ACSM4: variants seen among roughly 807,000 people sequenced by gnomAD.
ACSM4 encodes acyl-coenzyme A synthetase ACSM4, mitochondrial.
In ACSM4, 66 loss-of-function variants were observed where a neutral mutation model predicts 73.0. The ratio of observed to expected loss-of-function variants is 0.90; its 90% CI spans 0.74 to 1.11. The LOEUF (loss-of-function observed/expected upper bound fraction) is 1.11. Ranked by LOEUF, ACSM4 falls within the 50% of genes least tolerant of loss-of-function variation. The pLI is 0.00. For missense variants in ACSM4, 645 were observed against 714.4 expected (o/e 0.90, Z 1.11); for synonymous variants, 222 against 254.0 (o/e 0.87, Z 1.20).
chr12:7,321,076 G>A (rs1019411532), intron 6 of ACSM4, among the ~76,000 whole-genome samples: 1 of 152,002 alleles, frequency 6.6e-6, no homozygotes, highest in Non-Finnish European at 1.5e-5. Context: ...TCTTCTGGGG[G>A]GCAAAACTGT....
At chr12:7,317,943 CAA>C in intron 4 of ACSM4, 81 bp from the exon 5 acceptor site, 1 of 1,465,852 alleles carries the variant, frequency 6.8e-7, no homozygotes, top group South Asian at 1.3e-5. Context: ...GATATAGGGG[CAA>C]AGTCACCCCT....
chr12:7,311,285 A>T (rs1052144125), intron 3 of ACSM4, among the ~76,000 whole-genome samples: 4 of 152,144 alleles, frequency 2.6e-5, no homozygotes, highest in Non-Finnish European at 5.9e-5. Context: ...CCTGCTCTCT[A>T]CTGTGGCCTA....
At chr12:7,314,572 GAATA>G (rs1946408082) in intron 3 of ACSM4, among the ~76,000 whole-genome samples, 2 of 152,098 alleles carry the variant, frequency 1.3e-5, no homozygotes, top group Non-Finnish European at 2.9e-5. Flanking sequence ...GTGGATGGAT[GAATA>G]GATAGATGAA....
At chr12:7,311,568 C>T (rs910162411) in intron 3 of ACSM4, among the ~76,000 whole-genome samples, 1 of 152,244 alleles carries the variant, frequency 6.6e-6, no homozygotes, top group African/African-American at 2.4e-5. Flanking sequence ...CACTCGTCAC[C>T]ACCTGAATTA....
chr12:7,306,204 G>T (rs985608731), intron 1 of ACSM4, among the ~76,000 whole-genome samples: 9 of 152,212 alleles, frequency 5.9e-5, no homozygotes, highest in African/African-American at 9.6e-5. Context: ...GCGTAAGCAC[G>T]AATAACCCAT....
In ACSM4 at chr12:7,310,663, A is replaced by G. The variant is rs1370131285; in HGVS notation, c.537A>G (p.Val179=). 3.1e-6 allele frequency: 5 copies of G among 1,613,550 alleles called. No individual in the cohort carries two copies. The highest frequency in any genetic ancestry group is 4.2e-6 in the Non-Finnish European group (5 of 1,179,756). ...EEVAPAVESI[V]LECPDLKTKL... ...TGGCCCCAGCGGTGGAGTCCATTGT[A>G]TTGGAGTGTCCTGACCTTAAGACAA... Residue 179 remains valine, a synonymous_variant, in exon 3 of 13, where the codon GTA becomes GTG. Coordinates refer to ENST00000399422, the MANE Select transcript of ACSM4 (RefSeq NM_001080454.2).
intron 6 of ACSM4, 132 bp from the exon 7 acceptor site, chr12:7,322,286 T>C: frequency 1.6e-6 from 2 of 1,264,008 alleles, no homozygotes; most frequent in South Asian, 1.3e-5. Context: ...GTTCAACAAG[T>C]ATTTGTTGAA....
At position 7,304,226 on chromosome 12, in the gene ACSM4, C is replaced by A; in HGVS notation, c.-106C>A. The A allele has an allele frequency of 8.3e-7, 1 of 1,206,044 alleles. No homozygotes were observed. Among genetic ancestry groups the A allele is most frequent in the Non-Finnish European group, 1.2e-6 (1 of 841,894 alleles). 74.7% of individuals were successfully genotyped at this position (1,206,044 alleles called of 1,614,324 possible). On this transcript the variant is annotated 5_prime_UTR_variant, in exon 1 of 13. Transcript: ENST00000399422. ...GGACACACAGCCACAAATCCACCTC[C>A]CAGTCTCACCACAGAGCATCAAGAA... is the stretch of plus-strand genomic sequence containing the variant.
At chr12:7,321,748 T>G (rs1946465472) in intron 6 of ACSM4, among the ~76,000 whole-genome samples, 1 of 152,152 alleles carries the variant, frequency 6.6e-6, no homozygotes, top group Admixed American at 6.5e-5. Context: ...AGCTCCAAAG[T>G]CAAACAGGCA....
chr12:7,321,041 A>C (rs1946460037), intron 6 of ACSM4, among the ~76,000 whole-genome samples: 1 of 152,166 alleles, frequency 6.6e-6, no homozygotes, highest in Non-Finnish European at 1.5e-5. Context: ...TGAAAATCAA[A>C]AATGTCCCTA....
intron 1 of ACSM4, among the ~76,000 whole-genome samples, chr12:7,305,593 G>C (rs983998571): frequency 2.6e-5 from 4 of 152,152 alleles, no homozygotes; most frequent in Non-Finnish European, 5.9e-5. Flanking sequence ...GGCCACACAG[G>C]TCCAACAGAA....
intron 6 of ACSM4, among the ~76,000 whole-genome samples, chr12:7,321,726 G>A (rs1004243356): frequency 6.6e-6 from 1 of 152,200 alleles, no homozygotes; most frequent in Non-Finnish European, 1.5e-5. Context: ...TAAGGCTAGT[G>A]GTTAAAAGCT....
chr12:7,316,416 CTCTT>C (rs1313175071), intron 3 of ACSM4, among the ~76,000 whole-genome samples: 2 of 152,208 alleles, frequency 1.3e-5, no homozygotes, highest in East Asian at 1.9e-4. Flanking sequence ...TTCCTCATGA[CTCTT>C]TTTAGAACAA....
chr12:7,313,007 A>C (rs1946400063), intron 3 of ACSM4, among the ~76,000 whole-genome samples: 1 of 152,194 alleles, frequency 6.6e-6, no homozygotes, highest in Non-Finnish European at 1.5e-5. Flanking sequence ...ATTTTAGAGG[A>C]TAAGTAAAAC....
intron 2 of ACSM4, among the ~76,000 whole-genome samples, chr12:7,307,070 T>C (rs1451700805): frequency 6.6e-6 from 1 of 152,086 alleles, no homozygotes; most frequent in African/African-American, 2.4e-5. Context: ...CTGGCCAACA[T>C]ACTGAAACCC....
At chr12:7,322,379 G>T (rs760229786) in intron 6 of ACSM4, 39 bp from the exon 7 acceptor site, 1 of 1,612,096 alleles carries the variant, frequency 6.2e-7, no homozygotes, top group East Asian at 2.2e-5. Context: ...AAGCACTCAG[G>T]TTCCTCTTGA....
Position 7,306,677 on chromosome 12 carries a change from C to T in ACSM4, c.346C>T (p.Arg116Cys), listed in dbSNP as rs377381847. Residue 116 changes from arginine (R) to cysteine (C), a missense_variant, in exon 2 of 13, where the codon CGT (arginine) becomes TGT (cysteine). Coordinates refer to ENST00000399422, the MANE Select transcript of ACSM4 (RefSeq NM_001080454.2). ...TKPCGLQRGD[R>C]LAVILPRIPE... Reference sequence around the variant, plus strand: ...GCCCTGTGGCCTGCAGAGAGGAGACCGTTTGGCCGTGATTCTGCCCAGAAT... The same window carrying T: ...GCCCTGTGGCCTGCAGAGAGGAGACTGTTTGGCCGTGATTCTGCCCAGAAT... 47 of 1,611,134 alleles carry T rather than the reference C, an allele frequency of 2.9e-5. No individual in the cohort carries two copies. Among genetic ancestry groups the T allele is most frequent in the East Asian group, 4.5e-5 (2 of 44,682 alleles).
intron 3 of ACSM4, 71 bp from the exon 4 acceptor site, chr12:7,317,062 AGTTG>A: frequency 6.7e-7 from 1 of 1,502,568 alleles, no homozygotes; most frequent in Non-Finnish European, 9.0e-7. Flanking sequence ...GGGCATAAGT[AGTTG>A]AGCAGAGGAA....
At chr12:7,325,400 A>G (rs1284328516) in intron 11 of ACSM4, among the ~76,000 whole-genome samples, 1 of 152,220 alleles carries the variant, frequency 6.6e-6, no homozygotes, top group Non-Finnish European at 1.5e-5. Flanking sequence ...TAATCCCGGC[A>G]CTTTGGGAGG....
Sources: gnomAD v4.1 joint callset for allele counts (sites outside exome capture counted in the v4.1 genomes callset) on GRCh38, gnomAD v4.1.1 for gene constraint, MANE v1.5 for transcripts, NCBI Gene and HGNC (gene_info 2026-07-23, HGNC 2026-07-21) for gene names.